The following PDE6H variants were observed in gnomAD, a reference collection of about 807,000 sequenced individuals.
PDE6H encodes phosphodiesterase 6H.
Under a neutral mutation model 9.2 loss-of-function variants are expected in PDE6H, and 11 were observed. That is an observed-to-expected ratio of 1.19 (90% CI 0.75 to 1.97). PDE6H has a LOEUF of 1.97. Ranked by LOEUF, PDE6H falls within the 30% of genes most tolerant of loss-of-function variation. The probability of loss-of-function intolerance (pLI) is 0.00; values close to 1 mark genes in which losing one functional copy is unlikely to be tolerated. For missense variants in PDE6H, 98 were observed against 101.5 expected (o/e 0.97, Z 0.15); for synonymous variants, 36 against 33.6 (o/e 1.07, Z -0.25).
At chr12:14,978,581 C>A (rs777410771) in intron 2 of PDE6H, among the ~76,000 whole-genome samples, 13 of 152,232 alleles carry the variant, frequency 8.5e-5, no homozygotes, top group Non-Finnish European at 1.8e-4. Context: ...TTTCAACACA[C>A]AGATCATATG....
chr12:14,978,406 A>G (rs1258247043), intron 2 of PDE6H, among the ~76,000 whole-genome samples: 1 of 152,228 alleles, frequency 6.6e-6, no homozygotes, highest in East Asian at 1.9e-4. Context: ...TTTGCCTTGC[A>G]GGCTTTTGAT....
intron 1 of PDE6H, among the ~76,000 whole-genome samples, chr12:14,974,112 A>G (rs1281244290): frequency 6.6e-6 from 1 of 152,204 alleles, no homozygotes; most frequent in African/African-American, 2.4e-5. Flanking sequence ...ATACAGGAAA[A>G]TGTTCTGGCT....
chr12:14,977,956 TC>T lies in PDE6H; in HGVS notation c.-41-15del, dbSNP rs1461601925. On this transcript the variant is annotated splice_polypyrimidine_tract_variant and intron_variant, in intron 1 of 3. Coordinates refer to ENST00000266395, the MANE Select transcript of PDE6H (RefSeq NM_006205.3). ...GACTTGAAAGATCTTCTTTTTTTTA[TC>T]TTTCACTGTCTAAGGAGGCTGAAAG... 5.0e-5 allele frequency: 78 copies of T among 1,561,342 alleles called. No individual in the cohort carries two copies. In the East Asian group the frequency reaches 1.7e-3, roughly 33 times the overall value.
chr12:14,975,349 T>C (rs2120818683), intron 1 of PDE6H, among the ~76,000 whole-genome samples: 1 of 141,434 alleles, frequency 7.1e-6, no homozygotes, highest in South Asian at 2.4e-4. Context: ...GTAATTCAAA[T>C]TGAACTGGGT....
Position 14,981,628 on chromosome 12 carries a change from C to G in PDE6H, c.*152C>G. On this transcript the variant is annotated 3_prime_UTR_variant, in exon 4 of 4. Transcript: ENST00000266395. ...CCTATCAGTTACTACTAAGAGTTCT[C>G]TTACTGTCAGAATCTCTCTTGCAGT... 1 of 692,634 alleles carries G rather than the reference C, an allele frequency of 1.4e-6. No individual in the cohort carries two copies. The allele number at this position is 692,634 out of a possible 1,614,324, so 42.9% of individuals were successfully genotyped here. A position where few individuals can be genotyped will look rare whatever the true frequency, so the allele number is the denominator to read the frequency against.
chr12:14,978,718 T>A (rs1864635087), intron 2 of PDE6H, among the ~76,000 whole-genome samples: 1 of 152,208 alleles, frequency 6.6e-6, no homozygotes, highest in Non-Finnish European at 1.5e-5. Flanking sequence ...GTATCTATTC[T>A]CCGAGGCTAA....
chr12:14,978,233 A>T, intron 2 of PDE6H, 87 bp downstream of exon 2: 1 of 1,245,110 alleles, frequency 8.0e-7, no homozygotes, highest in Non-Finnish European at 1.2e-6. Flanking sequence ...TGCTCACAAT[A>T]TTAAACAGAC....
chr12:14,979,195 C>T lies in PDE6H; in HGVS notation c.151C>T (p.Pro51Ser), dbSNP rs778859553. ...TTTCCATAGATTTGGAGATGACATTCCAGGAATGGAGGGGCTAGGAACAGG... is the reference window on the plus strand; with the variant it reads ...TTTCCATAGATTTGGAGATGACATTTCAGGAATGGAGGGGCTAGGAACAGG... ...KGVKGFGDDI[P>S]GMEGLGTDIT... Residue 51 changes from proline to serine, a missense_variant, in exon 3 of 4, where the codon CCA (proline) becomes TCA (serine). Physicochemically the swap from Pro to Ser is moderately conservative, Grantham distance 74. Transcript: ENST00000266395. The T allele has an allele frequency of 6.2e-7, 1 of 1,608,658 alleles. No individual in the cohort carries two copies. Among genetic ancestry groups the T allele is most frequent in the African/African-American group, 1.3e-5 (1 of 74,912 alleles).
intron 2 of PDE6H, 118 bp from the exon 3 acceptor site, chr12:14,979,061 C>G (rs2233623): frequency 1.3e-6 from 1 of 747,642 alleles, no homozygotes; most frequent in Admixed American, 2.0e-5. Flanking sequence ...GAGTTTCTCA[C>G]ATACAAACAC....
chr12:14,980,355 T>C (rs888654465), intron 3 of PDE6H, among the ~76,000 whole-genome samples: 9 of 152,278 alleles, frequency 5.9e-5, no homozygotes, highest in African/African-American at 1.4e-4. Flanking sequence ...TGTAGGGATA[T>C]ACACAGTTTT....
Position 14,978,118 on chromosome 12 carries a change from A to C in PDE6H, c.106A>C (p.Ser36Arg). The change falls in exon 2 of 4, where the codon AGT (serine) becomes CGT (arginine). Residue 36 changes from serine (S) to arginine (R), a missense_variant. Physicochemically the swap from Ser to Arg is moderately radical, Grantham distance 110 (BLOSUM62 -1). Coordinates refer to ENST00000266395, the MANE Select transcript of PDE6H (RefSeq NM_006205.3). ...FKQRQTRQFK[S>R]KPPKKGVKGF... ...GCAGAGGCAGACTCGCCAATTCAAGAGTAAACCTCCAAAGAAAGGTGTGAA... is the reference window on the plus strand; with the variant it reads ...GCAGAGGCAGACTCGCCAATTCAAGCGTAAACCTCCAAAGAAAGGTGTGAA... The C allele has an allele frequency of 6.2e-6, 10 of 1,613,892 alleles. No homozygotes were observed. Among genetic ancestry groups the C allele is most frequent in the Non-Finnish European group, 8.5e-6 (10 of 1,179,974 alleles).
chr12:14,975,432 G>A (rs181015087), intron 1 of PDE6H, among the ~76,000 whole-genome samples: 1 of 151,528 alleles, frequency 6.6e-6, no homozygotes, highest in Non-Finnish European at 1.5e-5. Flanking sequence ...TGAGAGAAAA[G>A]AAACTTTTTG....
At chr12:14,977,490 C>G (rs1316329461) in intron 1 of PDE6H, among the ~76,000 whole-genome samples, 1 of 152,170 alleles carries the variant, frequency 6.6e-6, no homozygotes, top group Non-Finnish European at 1.5e-5. Flanking sequence ...CTCTTCGTAA[C>G]TGACAGAACT....
At chr12:14,980,636 C>T (rs192163218) in intron 3 of PDE6H, among the ~76,000 whole-genome samples, 279 of 152,178 alleles carry the variant, frequency 1.8e-3, no homozygotes, top group African/African-American at 6.4e-3. Context: ...CAACTGCTTC[C>T]GTATTTTGGC....
At chr12:14,979,994 C>G in intron 3 of PDE6H, among the ~76,000 whole-genome samples, 1 of 152,144 alleles carries the variant, frequency 6.6e-6, no homozygotes, top group East Asian at 1.9e-4. Context: ...AACTCCATAG[C>G]TTGAATTAGA....
Position 14,978,162 on chromosome 12 carries a change from A to C in PDE6H, c.134+16A>C, listed in dbSNP as rs1216013228. The C allele has an allele frequency of 1.2e-6, 2 of 1,611,586 alleles. No individual in the cohort carries two copies. The highest frequency in any genetic ancestry group is 3.3e-5 in the Admixed American group (2 of 59,974). On this transcript the variant is annotated intron_variant, in intron 2 of 3. Coordinates refer to ENST00000266395, the MANE Select transcript of PDE6H (RefSeq NM_006205.3). ...GTGTGAAAGGGTAAGACCAAAATGA[A>C]AAGAAAAACTTTCTATTACTTTCTT... is the stretch of plus-strand genomic sequence containing the variant.
intron 1 of PDE6H, among the ~76,000 whole-genome samples, chr12:14,975,369 T>G (rs201162555): frequency 5.5e-5 from 1 of 18,122 alleles, no homozygotes; most frequent in Admixed American, 6.4e-4. Flanking sequence ...TGTCTTGTAA[T>G]TTTTTTTTTT....
At position 14,979,231 on chromosome 12, in the gene PDE6H, A is replaced by G. The variant is rs1447768664; in HGVS notation, c.175+12A>G. 2 of 1,595,160 alleles carry G rather than the reference A, an allele frequency of 1.3e-6. No homozygotes were observed. Among genetic ancestry groups the G allele is most frequent in the Non-Finnish European group, 1.7e-6 (2 of 1,162,800 alleles). ...GGGGCTAGGAACAGGTAAGCCATCC[A>G]CTGATTTAAGTGAGAACTTCGCACT... On this transcript the variant is annotated intron_variant, in intron 3 of 3. Transcript: ENST00000266395.
chr12:14,981,059 G>C (rs971267161), intron 3 of PDE6H, among the ~76,000 whole-genome samples: 2 of 152,168 alleles, frequency 1.3e-5, no homozygotes, highest in Non-Finnish European at 2.9e-5. Flanking sequence ...TTTAACCCTT[G>C]GCCTGACTAG....
Sources: allele counts gnomAD v4.1 joint callset (sites outside exome capture counted in the v4.1 genomes callset), GRCh38; gene constraint gnomAD v4.1.1; transcripts MANE v1.5; gene names NCBI Gene and HGNC (gene_info 2026-07-23, HGNC 2026-07-21).